The following SPIRE1 variants were observed in gnomAD, a reference collection of about 807,000 sequenced individuals.
SPIRE1 encodes spire type actin nucleation factor 1.
A neutral mutation model predicts 94.1 loss-of-function variants in SPIRE1; 40 were observed. The ratio of observed to expected loss-of-function variants is 0.43; its 90% CI spans 0.33 to 0.55. SPIRE1 has a LOEUF of 0.55. SPIRE1 is among the 20% of genes least tolerant of loss of function. The probability of loss-of-function intolerance (pLI) is 0.06; values close to 1 mark genes in which losing one functional copy is unlikely to be tolerated. For missense variants in SPIRE1, 838 were observed against 975.2 expected (o/e 0.86, Z 1.87); for synonymous variants, 376 against 371.7 (o/e 1.01, Z -0.13).
At chr18:12,473,864 A>T (rs975296506) in intron 10 of SPIRE1, among the ~76,000 whole-genome samples, 1 of 152,268 alleles carries the variant, frequency 6.6e-6, no homozygotes, top group African/African-American at 2.4e-5. Context: ...TTTCTGGTGG[A>T]TGTCATCAAA....
intron 1 of SPIRE1, among the ~76,000 whole-genome samples, chr18:12,647,981 A>C (rs2038269957): frequency 6.6e-6 from 1 of 152,212 alleles, no homozygotes; most frequent in Non-Finnish European, 1.5e-5. Context: ...AAAGGAACCC[A>C]GGAGCCAAGC....
chr18:12,580,484 C>CG (rs1406225279), intron 2 of SPIRE1, among the ~76,000 whole-genome samples: 1 of 151,988 alleles, frequency 6.6e-6, no homozygotes, highest in African/African-American at 2.4e-5. Context: ...CCACCATGCC[C>CG]GGCTAATTTT....
At chr18:12,584,839 G>T (rs1235832815) in intron 2 of SPIRE1, among the ~76,000 whole-genome samples, 2 of 152,106 alleles carry the variant, frequency 1.3e-5, no homozygotes, top group African/African-American at 4.8e-5. Flanking sequence ...GAGTGCAGTG[G>T]CGCGATCGCA....
intron 1 of SPIRE1, among the ~76,000 whole-genome samples, chr18:12,642,266 A>T (rs1314965991): frequency 6.6e-6 from 1 of 152,150 alleles, no homozygotes; most frequent in Admixed American, 6.5e-5. Context: ...ACTCTGCCCC[A>T]AGCCAGGCTC....
intron 1 of SPIRE1, among the ~76,000 whole-genome samples, chr18:12,654,982 T>A (rs1332013926): frequency 6.6e-6 from 1 of 150,776 alleles, no homozygotes; most frequent in African/African-American, 2.4e-5. Context: ...GAGCCAAGAC[T>A]GTTCTACAGC....
chr18:12,509,012 G>A (rs1186824134), intron 5 of SPIRE1, among the ~76,000 whole-genome samples: 4 of 152,076 alleles, frequency 2.6e-5, no homozygotes, highest in African/African-American at 9.7e-5. Context: ...GTGCATGATT[G>A]TTTGGTTAAA....
At position 12,463,336 on chromosome 18, in the gene SPIRE1, C is replaced by T. The variant is rs2031948561; in HGVS notation, c.1638+15G>A. 6.3e-7 allele frequency: 1 copy of T among 1,594,224 alleles called. No individual in the cohort carries two copies. The highest frequency in any genetic ancestry group is 2.2e-5 in the East Asian group (1 of 44,764). On this transcript the variant is annotated intron_variant, in intron 12 of 16. Coordinates refer to ENST00000409402, the MANE Select transcript of SPIRE1 (RefSeq NM_001128626.2). Reference sequence around the variant, plus strand: ...GCTGGTCCCTAAGTTACTACAAAGTCTTTCCTGTACTTACAAGAGAGCGGG... The same window carrying T: ...GCTGGTCCCTAAGTTACTACAAAGTTTTTCCTGTACTTACAAGAGAGCGGG...
intron 2 of SPIRE1, among the ~76,000 whole-genome samples, chr18:12,575,294 A>G (rs2036064882): frequency 6.6e-6 from 1 of 151,432 alleles, no homozygotes; most frequent in African/African-American, 2.4e-5. Flanking sequence ...CACAAAGAGT[A>G]AAAAAAAATA....
intron 10 of SPIRE1, among the ~76,000 whole-genome samples, chr18:12,474,620 G>A (rs1183352337): frequency 1.3e-5 from 2 of 152,142 alleles, no homozygotes; most frequent in African/African-American, 2.4e-5. Flanking sequence ...TCAGAAGTTC[G>A]AGACCAGTCT....
chr18:12,465,429 A>G (rs2032052195), intron 10 of SPIRE1, among the ~76,000 whole-genome samples: 1 of 152,178 alleles, frequency 6.6e-6, no homozygotes, highest in Non-Finnish European at 1.5e-5. Context: ...CTGGGGTAAC[A>G]GGTGTGAGCC....
At chr18:12,521,580 C>T (rs918428393) in intron 4 of SPIRE1, among the ~76,000 whole-genome samples, 3 of 152,020 alleles carry the variant, frequency 2.0e-5, no homozygotes, top group African/African-American at 4.8e-5. Flanking sequence ...GTGATCTGCC[C>T]GCCTCAGCCT....
At chr18:12,514,414 C>T (rs509040) in intron 4 of SPIRE1, among the ~76,000 whole-genome samples, 1 of 152,162 alleles carries the variant, frequency 6.6e-6, no homozygotes, top group Admixed American at 6.5e-5. Flanking sequence ...TGTTTACTGT[C>T]TACCACCTCC....
intron 5 of SPIRE1, among the ~76,000 whole-genome samples, chr18:12,510,797 C>T (rs2034011445): frequency 1.3e-5 from 2 of 152,176 alleles, no homozygotes; most frequent in Admixed American, 1.3e-4. Flanking sequence ...ACCTCAGCCT[C>T]CCAAAGTGCT....
intron 10 of SPIRE1, among the ~76,000 whole-genome samples, chr18:12,474,795 G>C (rs911681945): frequency 2.6e-5 from 4 of 151,992 alleles, no homozygotes; most frequent in Non-Finnish European, 4.4e-5. Flanking sequence ...TTCCAGCCTT[G>C]GCAATGTAGT....
intron 5 of SPIRE1, among the ~76,000 whole-genome samples, chr18:12,510,074 G>A (rs1425614542): frequency 4.8e-5 from 7 of 146,022 alleles, no homozygotes; most frequent in African/African-American, 1.8e-4. Context: ...GACAGAGCAA[G>A]ACTCCATCTA....
rs576388162 is a variant in SPIRE1, at chr18:12,464,946, G to A, written c.1417C>T (p.His473Tyr). Residue 473 changes from histidine (H) to tyrosine (Y), a missense_variant, in exon 11 of 17, where the codon CAC becomes TAC. Coordinates refer to ENST00000409402, the MANE Select transcript of SPIRE1 (RefSeq NM_001128626.2). ...DSSESEEETL[H>Y]KSTSSSSVSP... ...ACGCTGCTGCTGCTGGTCGACTTGTGCAGCGTTTCTTCCTGAGCAAAGTAC... is the reference window on the plus strand; with the variant it reads ...ACGCTGCTGCTGCTGGTCGACTTGTACAGCGTTTCTTCCTGAGCAAAGTAC... The A allele has an allele frequency of 1.2e-6, 2 of 1,613,970 alleles. No homozygotes were observed. The highest frequency in any genetic ancestry group is 3.3e-5 in the Admixed American group (2 of 59,990).
chr18:12,578,677 G>C (rs182290868), intron 2 of SPIRE1, among the ~76,000 whole-genome samples: 10 of 152,282 alleles, frequency 6.6e-5, no homozygotes, highest in Admixed American at 2.6e-4. Flanking sequence ...GTAATCGTGA[G>C]AGGAGACTCT....
chr18:12,476,181 C>G (rs2032564388), intron 10 of SPIRE1, among the ~76,000 whole-genome samples: 1 of 152,020 alleles, frequency 6.6e-6, no homozygotes, highest in Non-Finnish European at 1.5e-5. Context: ...AAACTTGAAA[C>G]AGTTGATTAA....
chr18:12,514,873 C>T lies in SPIRE1; in HGVS notation c.730-2342G>A, dbSNP rs181465469. Among the ~76,000 whole-genome samples, 1,251 of 152,134 alleles carry T rather than the reference C, an allele frequency of 8.2e-3. 3 individuals are homozygous for T. Among genetic ancestry groups the T allele is most frequent in the Non-Finnish European group, 0.014 (926 of 67,966 alleles). On this transcript the variant is annotated intron_variant, in intron 4 of 16. Coordinates refer to ENST00000409402, the MANE Select transcript of SPIRE1 (RefSeq NM_001128626.2). ...AGAAAAAGAAATGCATTTCTAATACCATACAGAAGAAAAGAGGTAATTATA... is the reference window on the plus strand; with the variant it reads ...AGAAAAAGAAATGCATTTCTAATACTATACAGAAGAAAAGAGGTAATTATA...
Sources: allele counts gnomAD v4.1 joint callset (sites outside exome capture counted in the v4.1 genomes callset), GRCh38; gene constraint gnomAD v4.1.1; transcripts MANE v1.5; gene names NCBI Gene and HGNC (gene_info 2026-07-23, HGNC 2026-07-21).